Variants in CRISPLD2 observed in about 807,000 individuals in gnomAD.
CRISPLD2 encodes the protein cysteine rich secretory protein LCCL domain containing 2.
In CRISPLD2, 47 loss-of-function variants were observed where a neutral mutation model predicts 71.1. The observed-to-expected ratio is 0.66, with a 90% CI of 0.52 to 0.84. CRISPLD2 has a LOEUF of 0.84. Among genes scored for constraint, CRISPLD2 ranks in the 40% least tolerant of loss-of-function variants. CRISPLD2 has a pLI of 0.00. For synonymous variants in CRISPLD2, 317 were observed against 250.1 expected (o/e 1.27, Z -2.52); for missense variants, 830 against 651.1 (o/e 1.27, Z -2.99).
At chr16:84,864,915 C>T (rs1280897817) in intron 6 of CRISPLD2, among the ~76,000 whole-genome samples, 1 of 152,198 alleles carries the variant, frequency 6.6e-6, no homozygotes, top group Non-Finnish European at 1.5e-5. Context: ...CCCGTCCCTT[C>T]CCCTTGTGGG....
At chr16:84,874,042 G>A (rs376979469) in intron 11 of CRISPLD2, 79 bp downstream of exon 11, 213 of 1,280,758 alleles carry the variant, frequency 1.7e-4, no homozygotes, top group South Asian at 4.7e-4. Context: ...TCCTTTAGTC[G>A]CTGATTTAAT....
chr16:84,887,259 G>C (rs2071621452), intron 13 of CRISPLD2, among the ~76,000 whole-genome samples: 1 of 152,194 alleles, frequency 6.6e-6, no homozygotes, highest in Admixed American at 6.5e-5. Flanking sequence ...GCTCAGACCT[G>C]CTGGTGGTGG....
chr16:84,889,663 A>G (rs991043970), intron 14 of CRISPLD2, among the ~76,000 whole-genome samples: 3 of 152,038 alleles, frequency 2.0e-5, no homozygotes, highest in African/African-American at 7.3e-5. Flanking sequence ...ACATCAGATA[A>G]GCCCGAAGAT....
At chr16:84,890,391 C>T (rs2071651163) in intron 14 of CRISPLD2, among the ~76,000 whole-genome samples, 1 of 151,654 alleles carries the variant, frequency 6.6e-6, no homozygotes, top group African/African-American at 2.4e-5. Context: ...AAGAAGCACT[C>T]TGCAAATGAG....
intron 3 of CRISPLD2, among the ~76,000 whole-genome samples, chr16:84,848,957 GC>G (rs2143208939): frequency 1.4e-5 from 1 of 72,760 alleles, no homozygotes; most frequent in Non-Finnish European, 3.5e-5. Context: ...CTGCACTCCA[GC>G]CTGGGCGACA....
chr16:84,852,600 G>C (rs1397221560), intron 5 of CRISPLD2, among the ~76,000 whole-genome samples: 1 of 152,168 alleles, frequency 6.6e-6, no homozygotes, highest in Non-Finnish European at 1.5e-5. Flanking sequence ...GAGCCCCTGG[G>C]CTATGCAGGA....
At chr16:84,878,849 A>G (rs1184590112) in intron 12 of CRISPLD2, among the ~76,000 whole-genome samples, 4 of 152,204 alleles carry the variant, frequency 2.6e-5, no homozygotes, top group Non-Finnish European at 5.9e-5. Flanking sequence ...TGCCCTTCAA[A>G]CAGAGCACGC....
At chr16:84,895,029 C>T (rs1209408751) in intron 14 of CRISPLD2, among the ~76,000 whole-genome samples, 1 of 152,222 alleles carries the variant, frequency 6.6e-6, no homozygotes, top group South Asian at 2.1e-4. Context: ...GTTCTCTGTG[C>T]TCTGCAGAGG....
rs200222373 is a variant in CRISPLD2, at chr16:84,849,503, A to C, written c.478A>C (p.Thr160Pro). 195 of 1,613,988 alleles carry C rather than the reference A, an allele frequency of 1.2e-4. 1 individual carries two copies. The highest frequency in any genetic ancestry group is 3.4e-6 in the Non-Finnish European group (4 of 1,180,012). ...AGAGAGGTGCTCGGGGCCCATGTGC[A>C]CGCACTACACACAGGTAACTCGGGG... ...CPERCSGPMC[T>P]HYTQIVWATT... Residue 160 changes from threonine (T) to proline (P), a missense_variant, in exon 4 of 15, where the codon ACG becomes CCG. Thr to Pro is a conservative substitution (Grantham distance 38, BLOSUM62 -1). Coordinates refer to ENST00000262424, the MANE Select transcript of CRISPLD2 (RefSeq NM_031476.4).
chr16:84,872,921 G>T, intron 9 of CRISPLD2, 71 bp from the exon 10 acceptor site: 2 of 1,536,184 alleles, frequency 1.3e-6, no homozygotes, highest in Non-Finnish European at 8.8e-7. Context: ...ACAAATGTTT[G>T]GGTATTTCTG....
intron 13 of CRISPLD2, among the ~76,000 whole-genome samples, chr16:84,883,343 C>G (rs1259475330): frequency 6.6e-6 from 1 of 152,212 alleles, no homozygotes; most frequent in Non-Finnish European, 1.5e-5. Flanking sequence ...GCCTGTTCAC[C>G]AGGACTGCAT....
chr16:84,877,647 C>T (rs973189447), intron 12 of CRISPLD2, 137 bp downstream of exon 12: 26 of 593,376 alleles, frequency 4.4e-5, no homozygotes, highest in African/African-American at 3.0e-4. Flanking sequence ...GCCAGGAGTT[C>T]GTGACCAGCC....
intron 13 of CRISPLD2, among the ~76,000 whole-genome samples, chr16:84,883,619 T>C (rs1042355424): frequency 2.6e-5 from 4 of 152,162 alleles, no homozygotes; most frequent in Non-Finnish European, 4.4e-5. Context: ...TCAGGATCAG[T>C]GGGGCTGGGT....
At chr16:84,869,663 A>G (rs2071448735) in intron 8 of CRISPLD2, among the ~76,000 whole-genome samples, 1 of 151,984 alleles carries the variant, frequency 6.6e-6, no homozygotes, top group Non-Finnish European at 1.5e-5. Context: ...AGTGCCTAAA[A>G]CCTCGCGCTC....
intron 2 of CRISPLD2, among the ~76,000 whole-genome samples, chr16:84,840,426 T>C (rs1462884984): frequency 3.3e-5 from 5 of 152,206 alleles, no homozygotes; most frequent in African/African-American, 9.6e-5. Context: ...AATGTACAAA[T>C]GGTGAAGCTG....
intron 2 of CRISPLD2, among the ~76,000 whole-genome samples, chr16:84,843,988 C>T (rs1916844420): frequency 6.6e-6 from 1 of 152,240 alleles, no homozygotes; most frequent in East Asian, 1.9e-4. Flanking sequence ...TAAGACAGGA[C>T]TGTCTTCCCT....
At chr16:84,834,191 A>G (rs7404726) in intron 1 of CRISPLD2, among the ~76,000 whole-genome samples, 127,446 of 152,140 alleles carry the variant, frequency 0.84, 53,685 homozygotes, top group Non-Finnish European at 0.87. Context: ...GTGAGAGGAG[A>G]TCACGGAGGT....
rs908370177 is a variant in CRISPLD2 at position 84,831,568 on chromosome 16, T to A, written c.-74-6854T>A. The stretch of plus-strand genomic sequence containing the variant: ...TGTGGCACCGTGCTTGGCTAATTTT[T>A]TTATTATTATTATTTTTAGTAGAGA... On this transcript the variant is annotated intron_variant, in intron 1 of 14. Transcript: ENST00000262424. Among the ~76,000 whole-genome samples the A allele has an allele frequency of 8.6e-5, 13 of 151,950 alleles. No homozygotes were observed. In the East Asian group the frequency reaches 1.7e-3, roughly 20 times the overall value.
intron 14 of CRISPLD2, among the ~76,000 whole-genome samples, chr16:84,896,396 A>T (rs181502352): frequency 2.6e-5 from 4 of 152,142 alleles, no homozygotes; most frequent in Admixed American, 6.5e-5. Context: ...AGAGAGACAC[A>T]CACACACAGA....
Sources: gnomAD v4.1 joint callset for allele counts (sites outside exome capture counted in the v4.1 genomes callset) on GRCh38, gnomAD v4.1.1 for gene constraint, MANE v1.5 for transcripts, NCBI Gene and HGNC (gene_info 2026-07-23, HGNC 2026-07-21) for gene names.